ABCC9: variants seen among roughly 807,000 people sequenced by gnomAD.
The protein encoded by ABCC9 is ATP binding cassette subfamily C member 9.
In ABCC9, 95 loss-of-function variants were observed where a neutral mutation model predicts 188.3. That is an observed-to-expected ratio of 0.50 (90% CI 0.43 to 0.60). The LOEUF (loss-of-function observed/expected upper bound fraction) is 0.60. Among genes scored for constraint, ABCC9 ranks in the 20% least tolerant of loss-of-function variants. ABCC9 has a pLI of 0.00. For missense variants in ABCC9, 1,102 were observed against 1,876.3 expected (o/e 0.59, Z 7.62); for synonymous variants, 659 against 652.7 (o/e 1.01, Z -0.15).
At chr12:21,891,871 G>A (rs1425253920) in intron 14 of ABCC9, among the ~76,000 whole-genome samples, 1 of 152,148 alleles carries the variant, frequency 6.6e-6, no homozygotes, top group African/African-American at 2.4e-5. Context: ...GGTTGGTCAC[G>A]GCTTCCCAGG....
At chr12:21,836,392 T>C (rs1944094208) in intron 30 of ABCC9, among the ~76,000 whole-genome samples, 1 of 152,240 alleles carries the variant, frequency 6.6e-6, no homozygotes, top group Non-Finnish European at 1.5e-5. Flanking sequence ...TTAATGTATG[T>C]TCCAACAGTA....
intron 4 of ABCC9, 139 bp from the exon 5 acceptor site, chr12:21,926,202 T>C (rs967278426): frequency 2.5e-6 from 3 of 1,181,466 alleles, no homozygotes; most frequent in African/African-American, 3.1e-5. Flanking sequence ...TCCAAGATAA[T>C]ACATAAGGGA....
At chr12:21,830,227 G>A (rs545370843) in intron 30 of ABCC9, among the ~76,000 whole-genome samples, 14 of 151,996 alleles carry the variant, frequency 9.2e-5, no homozygotes, top group Non-Finnish European at 1.6e-4. Context: ...CATGTTACAT[G>A]GTAGAAAAAA....
At chr12:21,873,602 C>A in intron 17 of ABCC9, among the ~76,000 whole-genome samples, 1 of 152,124 alleles carries the variant, frequency 6.6e-6, no homozygotes, top group South Asian at 2.1e-4. Context: ...ACCCCAAATA[C>A]CCAAAGCTAT....
chr12:21,870,319 C>T (rs1458824085), intron 18 of ABCC9, among the ~76,000 whole-genome samples: 1 of 151,630 alleles, frequency 6.6e-6, no homozygotes, highest in Non-Finnish European at 1.5e-5. Flanking sequence ...TGTGGTGGCA[C>T]ATTCACAGCT....
chr12:21,901,331 T>C (rs1374630297), intron 12 of ABCC9, among the ~76,000 whole-genome samples: 2 of 152,188 alleles, frequency 1.3e-5, no homozygotes, highest in Non-Finnish European at 2.9e-5. Flanking sequence ...GAACAACTGG[T>C]ACCAGCCACG....
intron 24 of ABCC9, among the ~76,000 whole-genome samples, chr12:21,848,553 G>A (rs2137416922): frequency 6.6e-6 from 1 of 152,238 alleles, no homozygotes; most frequent in South Asian, 2.1e-4. Flanking sequence ...TTCTACCATT[G>A]CTACTTATTT....
chr12:21,863,083 A>C, intron 19 of ABCC9, 29 bp from the exon 20 acceptor site: 1 of 1,356,940 alleles, frequency 7.4e-7, no homozygotes, highest in Non-Finnish European at 1.1e-6. Context: ...AAAAAAAAAC[A>C]CCAGGATTAT....
At chr12:21,929,543 A>C (rs1050189317) in intron 4 of ABCC9, among the ~76,000 whole-genome samples, 2 of 152,088 alleles carry the variant, frequency 1.3e-5, no homozygotes, top group Non-Finnish European at 2.9e-5. Context: ...CATTTGTCAG[A>C]TATTAAGTAA....
Position 21,797,696 on chromosome 12 carries a change from G to A in ABCC9, c.*3348C>T, listed in dbSNP as rs1275256698. ...TATCAGTTACTTAGAGGGTCTTCTG[G>A]TATCTAATCTAGAGCTGAGTAGACT... is the stretch of plus-strand genomic sequence containing the variant. On this transcript the variant is annotated 3_prime_UTR_variant, in exon 40 of 40. Transcript: ENST00000261200. 1 of 152,124 alleles carries A rather than the reference G, an allele frequency of 6.6e-6. No individual in the cohort carries two copies. Among genetic ancestry groups the A allele is most frequent in the Non-Finnish European group, 1.5e-5 (1 of 68,026 alleles). 9.4% of individuals were successfully genotyped at this position (152,124 alleles called of 1,614,324 possible).
chr12:21,895,339 T>C, intron 12 of ABCC9, 24 bp from the exon 13 acceptor site: 1 of 1,599,880 alleles, frequency 6.3e-7, no homozygotes, highest in Non-Finnish European at 8.6e-7. Context: ...TAAAATGCAT[T>C]AGTTTCATTG....
chr12:21,818,148 A>G lies in ABCC9; in HGVS notation c.3771+2T>C. The G allele has an allele frequency of 6.2e-7, 1 of 1,600,850 alleles. No individual in the cohort carries two copies. On this transcript the variant is annotated splice_donor_variant, in intron 32 of 39. Transcript: ENST00000261200. LOFTEE classifies it high-confidence loss of function. ...TCCTGTAATATTTTTATCCATACCT[A>G]CCGTAAGTGCATACAGAAGACCCAA...
intron 5 of ABCC9, chr12:21,923,635 G>A (rs1948925756): frequency 5.5e-6 from 3 of 544,716 alleles, no homozygotes; most frequent in Non-Finnish European, 9.8e-6. Flanking sequence ...ACCAAATGAT[G>A]AACATGTGGA....
chr12:21,901,706 A>C (rs2137800746), intron 12 of ABCC9, among the ~76,000 whole-genome samples: 1 of 152,308 alleles, frequency 6.6e-6, no homozygotes, highest in African/African-American at 2.4e-5. Flanking sequence ...AGAGACAAAG[A>C]AGGCCATTAT....
chr12:21,803,765 A>G (rs376683546), intron 39 of ABCC9, among the ~76,000 whole-genome samples: 3 of 152,220 alleles, frequency 2.0e-5, no homozygotes, highest in Admixed American at 6.5e-5. Context: ...TGTGGTGTCA[A>G]TTGTAATTGT....
At chr12:21,935,408 C>A (rs1949447359) in intron 3 of ABCC9, among the ~76,000 whole-genome samples, 1 of 152,032 alleles carries the variant, frequency 6.6e-6, no homozygotes, top group East Asian at 1.9e-4. Context: ...TGTGTATATA[C>A]CATATGATGA....
chr12:21,926,372 C>G (rs1345123447), intron 4 of ABCC9, among the ~76,000 whole-genome samples: 3 of 152,138 alleles, frequency 2.0e-5, no homozygotes, highest in Non-Finnish European at 4.4e-5. Context: ...AGAACTAAAG[C>G]AAGTGAAAAC....
chr12:21,888,210 T>C (rs1946977496), intron 14 of ABCC9, among the ~76,000 whole-genome samples: 1 of 152,128 alleles, frequency 6.6e-6, no homozygotes, highest in Non-Finnish European at 1.5e-5. Flanking sequence ...CAGAACCTTC[T>C]TTGCATTTTT....
intron 5 of ABCC9, chr12:21,924,233 C>T (rs1592246869): frequency 1.2e-5 from 2 of 166,578 alleles, no homozygotes; most frequent in Non-Finnish European, 1.3e-5. Context: ...CAAAAAGATA[C>T]GCATGAAGCG....
Sources: allele counts gnomAD v4.1 joint callset (sites outside exome capture counted in the v4.1 genomes callset), GRCh38; gene constraint gnomAD v4.1.1; transcripts MANE v1.5; gene names NCBI Gene and HGNC (gene_info 2026-07-23, HGNC 2026-07-21).